DLST: variants seen among roughly 807,000 people sequenced by gnomAD.
DLST encodes dihydrolipoyllysine-residue succinyltransferase component of 2-oxoglutarate dehydrogenase complex, mitochondrial.
Under a neutral mutation model 53.1 loss-of-function variants are expected in DLST, and 17 were observed. That is an observed-to-expected ratio of 0.32 (90% confidence interval 0.22 to 0.48). DLST has a LOEUF of 0.48. Among genes scored for constraint, DLST ranks in the 20% least tolerant of loss-of-function variants. The pLI, the probability that DLST is intolerant of heterozygous loss-of-function variation, is 0.99. For missense variants in DLST, 512 were observed against 583.9 expected (o/e 0.88, Z 1.27); for synonymous variants, 206 against 204.8 (o/e 1.01, Z -0.05).
intron 2 of DLST, among the ~76,000 whole-genome samples, chr14:74,883,104 T>G (rs944576008): frequency 6.6e-6 from 1 of 151,412 alleles, no homozygotes; most frequent in Non-Finnish European, 1.5e-5. Flanking sequence ...ACCATCCTGG[T>G]TAACACGGTG....
chr14:74,894,500 C>G (rs1453833099), intron 10 of DLST, 91 bp downstream of exon 10: 1 of 1,299,676 alleles, frequency 7.7e-7, no homozygotes, highest in African/African-American at 1.5e-5. Flanking sequence ...GATTCTAAAA[C>G]TAACTTGTCA....
At chr14:74,893,983 G>A (rs956302679) in intron 9 of DLST, among the ~76,000 whole-genome samples, 3 of 152,182 alleles carry the variant, frequency 2.0e-5, no homozygotes, top group East Asian at 3.8e-4. Context: ...AACAGAAAGT[G>A]CCCTTTTTCT....
rs1372601346 is a variant in DLST, at chr14:74,890,991, TATACAGCTAATTTTCTAATGCTGGATA to T, written c.331-63_331-37del. 3 of 1,566,396 alleles carry T rather than the reference TATACAGCTAATTTTCTAATGCTGGATA, an allele frequency of 1.9e-6. No individual in the cohort carries two copies. The Admixed American group carries it at 5.2e-5, about 27-fold the overall frequency. ...CTGTGCCTGGCTTCATTGGAGATTC[TATACAGCTAATTTTCTAATGCTGGATA>T]AACATTTGGACTTCCTCCATCTGTC... On this transcript the variant is annotated intron_variant, in intron 6 of 14. Coordinates refer to ENST00000334220, the MANE Select transcript of DLST (RefSeq NM_001933.5).
At chr14:74,889,684 T>C in intron 5 of DLST, 2 of 571,748 alleles carry the variant, frequency 3.5e-6, no homozygotes, top group East Asian at 5.8e-5. Context: ...TGCGCCTGGC[T>C]CCTCTCACTT....
At chr14:74,894,810 G>A (rs1280942618) in intron 10 of DLST, among the ~76,000 whole-genome samples, 2 of 151,910 alleles carry the variant, frequency 1.3e-5, no homozygotes. Flanking sequence ...GCCTCCCAAA[G>A]TGCTGGGATT....
At chr14:74,896,409 G>A (rs558527734) in intron 10 of DLST, among the ~76,000 whole-genome samples, 78 of 152,358 alleles carry the variant, frequency 5.1e-4, no homozygotes, top group Middle Eastern at 6.8e-3. Flanking sequence ...AGCAAGTCAA[G>A]TCTCAGGTCA....
chr14:74,891,258 G>T, intron 7 of DLST, 91 bp downstream of exon 7: 3 of 1,572,602 alleles, frequency 1.9e-6, no homozygotes, highest in Non-Finnish European at 2.6e-6. Context: ...ATATGTCAAA[G>T]ACTCTTGTCA....
chr14:74,890,124 C>CTTT (rs34237381), intron 6 of DLST, among the ~76,000 whole-genome samples, 172 bp downstream of exon 6: 35 of 85,060 alleles, frequency 4.1e-4, no homozygotes, highest in Non-Finnish European at 4.3e-4. Flanking sequence ...TTACATTTAA[C>CTTT]TTTTTTTTTT....
In DLST at chr14:74,894,539, G is replaced by T. The variant is rs1594878584; in HGVS notation, c.770+130G>T. ...AAGAGGTATTTGTTTATTGTTTTTTGTTTGTTTGTTTTTGTTTTTGTTTTT... is the reference window on the plus strand; with the variant it reads ...AAGAGGTATTTGTTTATTGTTTTTTTTTTGTTTGTTTTTGTTTTTGTTTTT... On this transcript the variant is annotated intron_variant, in intron 10 of 14. Transcript: ENST00000334220. The T allele has an allele frequency of 3.8e-6, 4 of 1,055,960 alleles. No individual in the cohort carries two copies. The South Asian group carries it at 5.0e-5, about 13-fold the overall frequency. 65.4% of individuals were successfully genotyped at this position (1,055,960 alleles called of 1,614,324 possible). A position where few individuals can be genotyped will look rare whatever the true frequency, so the allele number is the denominator to read the frequency against.
intron 10 of DLST, among the ~76,000 whole-genome samples, chr14:74,896,979 G>T (rs1174603038): frequency 6.6e-6 from 1 of 152,192 alleles, no homozygotes; most frequent in Non-Finnish European, 1.5e-5. Context: ...TAACCCATAA[G>T]GGACCTTTCT....
At chr14:74,886,324 G>T (rs907430180) in intron 3 of DLST, among the ~76,000 whole-genome samples, 19 of 152,116 alleles carry the variant, frequency 1.2e-4, no homozygotes, top group African/African-American at 4.6e-4. Flanking sequence ...TCACAATGAG[G>T]GTTTTTGTTG....
chr14:74,899,954 T>C lies in DLST; in HGVS notation c.933T>C (p.Tyr311=). ...VIDDTTKEVV[Y]RDYIDISVAV... is the part of the protein sequence containing the mutation. ...ACGACACAACCAAAGAGGTGGTGTA[T>C]AGGGATTATATTGACATCAGTGTTG... The change falls in exon 12 of 15, where the codon TAT becomes TAC. Residue 311 remains tyrosine (Y), a synonymous_variant. Coordinates refer to ENST00000334220, the MANE Select transcript of DLST (RefSeq NM_001933.5). 6.2e-7 allele frequency: 1 copy of C among 1,613,652 alleles called. No individual in the cohort carries two copies. Among genetic ancestry groups the C allele is most frequent in the East Asian group, 2.2e-5 (1 of 44,886 alleles).
intron 7 of DLST, chr14:74,891,830 A>G: frequency 1.0e-6 from 1 of 985,484 alleles, no homozygotes; most frequent in Non-Finnish European, 1.2e-6. Context: ...TAAGGCAGAT[A>G]GACCGCATGA....
chr14:74,881,992 C>T lies in DLST; in HGVS notation c.39C>T (p.Ser13=), dbSNP rs1298168576. Residue 13 remains serine, a synonymous_variant, in exon 1 of 15, where the codon AGC becomes AGT. Coordinates refer to ENST00000334220, the MANE Select transcript of DLST (RefSeq NM_001933.5). The part of the protein sequence containing the change: ...SRSRCVSRAF[S]RSLSAFQKGN... ...CCCGCTGTGTGTCTCGGGCGTTCAG[C>T]CGCTCGCTCTCCGCCTTCCAGAAGG... is the stretch of plus-strand genomic sequence containing the variant. 5 of 1,573,028 alleles carry T rather than the reference C, an allele frequency of 3.2e-6. No homozygotes were observed. Among genetic ancestry groups the T allele is most frequent in the Admixed American group, 3.5e-5 (2 of 57,642 alleles).
intron 7 of DLST, chr14:74,891,937 T>C (rs1883922574): frequency 3.7e-6 from 3 of 805,244 alleles, no homozygotes; most frequent in Non-Finnish European, 4.5e-6. Context: ...GAAGTTTGTC[T>C]TAGCACTAAC....
At chr14:74,886,228 T>C (rs1470870011) in intron 3 of DLST, among the ~76,000 whole-genome samples, 2 of 152,252 alleles carry the variant, frequency 1.3e-5, no homozygotes. Flanking sequence ...TCTAGTAACC[T>C]GTTCAGCAGC....
chr14:74,888,934 T>C (rs1883800543), intron 3 of DLST, 161 bp from the exon 4 acceptor site: 1 of 693,138 alleles, frequency 1.4e-6, no homozygotes, highest in African/African-American at 1.8e-5. Context: ...GGGAGAGGCC[T>C]AGACAAGTGA....
intron 7 of DLST, 48 bp from the exon 8 acceptor site, chr14:74,892,786 T>C (rs1489551446): frequency 6.5e-7 from 1 of 1,538,940 alleles, no homozygotes; most frequent in Non-Finnish European, 8.7e-7. Flanking sequence ...GCTTGGTTGC[T>C]TCTCATTTCA....
chr14:74,891,879 A>T, intron 7 of DLST: 2 of 985,124 alleles, frequency 2.0e-6, no homozygotes, highest in Non-Finnish European at 2.4e-6. Flanking sequence ...TCAGAGTAGA[A>T]AACATGTATG....
Sources: allele counts gnomAD v4.1 joint callset (sites outside exome capture counted in the v4.1 genomes callset), GRCh38; gene constraint gnomAD v4.1.1; transcripts MANE v1.5; gene names NCBI Gene and HGNC (gene_info 2026-07-23, HGNC 2026-07-21).